The following CEP295 variants were observed in gnomAD, a reference collection of about 807,000 sequenced individuals.
CEP295 encodes centrosomal protein of 295 kDa.
In CEP295, 190 loss-of-function variants were observed where a neutral mutation model predicts 291.6. The ratio of observed to expected loss-of-function variants is 0.65; its 90% CI spans 0.58 to 0.73. The LOEUF (loss-of-function observed/expected upper bound fraction) is 0.73, where lower values mean the gene tolerates loss of function less well. Ranked by LOEUF, CEP295 falls within the 30% of genes least tolerant of loss-of-function variation. The probability of loss-of-function intolerance (pLI) is 0.00; values close to 1 mark genes in which losing one functional copy is unlikely to be tolerated. For synonymous variants in CEP295, 993 were observed against 1,038.8 expected, an observed-to-expected ratio of 0.96 and a Z score of 0.85; for missense variants, 2,863 against 2,949.4, an observed-to-expected ratio of 0.97 and a Z score of 0.68.
intron 12 of CEP295, among the ~76,000 whole-genome samples, chr11:93,694,690 A>G (rs1951762506): frequency 6.6e-6 from 1 of 152,218 alleles, no homozygotes; most frequent in African/African-American, 2.4e-5. Flanking sequence ...CTGGACAAAG[A>G]GATTATTGAT....
intron 22 of CEP295, among the ~76,000 whole-genome samples, chr11:93,725,327 T>C (rs975616212): frequency 8.5e-5 from 13 of 152,112 alleles, no homozygotes; most frequent in African/African-American, 3.1e-4. Flanking sequence ...TATGATGCCA[T>C]AAAAGGCTTA....
chr11:93,723,975 T>C, intron 21 of CEP295: 1 of 178,826 alleles, frequency 5.6e-6, no homozygotes, highest in Non-Finnish European at 1.2e-5. Context: ...AAAAATTTTT[T>C]AAATTTAAAA....
At chr11:93,720,093 C>T (rs1258021611) in intron 18 of CEP295, among the ~76,000 whole-genome samples, 1 of 149,292 alleles carries the variant, frequency 6.7e-6, no homozygotes, top group Non-Finnish European at 1.5e-5. Flanking sequence ...CGTAGTGGCT[C>T]ATGCCTATAA....
Position 93,698,915 on chromosome 11 carries a change from G to A in CEP295, c.4003G>A (p.Asp1335Asn). 5 of 1,551,572 alleles carry A rather than the reference G, an allele frequency of 3.2e-6. No individual in the cohort carries two copies. Among genetic ancestry groups the A allele is most frequent in the Non-Finnish European group, 4.4e-6 (5 of 1,146,978 alleles). The change falls in exon 15 of 30, where the codon GAT (aspartate) becomes AAT (asparagine). Residue 1335 changes from aspartate to asparagine, a missense_variant. Physicochemically the swap from Asp to Asn is conservative, Grantham distance 23 (BLOSUM62 1). Around this residue, in one of 3 missense-constraint regions of CEP295, gnomAD observed 2,295 missense variants for 2,335.7 expected, o/e 0.98. Coordinates refer to ENST00000325212, the MANE Select transcript of CEP295 (RefSeq NM_033395.2). ...CCACCTTCAGATCCCACAATTGCAG[G>A]ATAGGCTTTTGAGGATATCGCAACT... is the stretch of plus-strand genomic sequence containing the variant. ...SSHLQIPQLQ[D>N]RLLRISQLIQ...
intron 6 of CEP295, among the ~76,000 whole-genome samples, chr11:93,677,494 A>G (rs893406608): frequency 2.0e-5 from 3 of 152,188 alleles, no homozygotes; most frequent in African/African-American, 7.2e-5. Flanking sequence ...ACTTACAGCC[A>G]GTAATTCTCT....
chr11:93,726,878 G>A, intron 23 of CEP295, 98 bp from the exon 24 acceptor site: 1 of 908,618 alleles, frequency 1.1e-6, no homozygotes, highest in Non-Finnish European at 1.6e-6. Flanking sequence ...AAAATTGTAG[G>A]TTACTTGCAA....
In CEP295 at chr11:93,697,644, A is replaced by G; in HGVS notation, c.2732A>G (p.Gln911Arg). 8 of 1,551,908 alleles carry G rather than the reference A, an allele frequency of 5.2e-6. No individual in the cohort carries two copies. The highest frequency in any genetic ancestry group is 3.3e-4 in the Middle Eastern group (2 of 5,992). ...GCCAAAGCAGATTTGGGGAGAATCC[A>G]GGAATCTTCACCAACCAAGAATAAT... Reference protein sequence around the residue: ...PSAKADLGRIQESSPTKNNIA... With the variant: ...PSAKADLGRIRESSPTKNNIA... The change falls in exon 15 of 30, where the codon CAG becomes CGG. Residue 911 changes from glutamine to arginine, a missense_variant. Gln to Arg is a conservative substitution (Grantham distance 43). Around this residue, in one of 3 missense-constraint regions of CEP295, gnomAD observed 2,295 missense variants for 2,335.7 expected, o/e 0.98. Transcript: ENST00000325212.
Position 93,698,121 on chromosome 11 carries a change from C to T in CEP295, c.3209C>T (p.Thr1070Ile), listed in dbSNP as rs764864764. 55 of 1,551,954 alleles carry T rather than the reference C, an allele frequency of 3.5e-5. No homozygotes were observed. The highest frequency in any genetic ancestry group is 7.0e-6 in the Non-Finnish European group (8 of 1,147,088). ...LQEQLTKQRD[T>I]LQARHEAQVE... ...GAACAGTTGACTAAACAGAGGGATA[C>T]TCTTCAGGCTAGGCATGAAGCTCAG... The change falls in exon 15 of 30, where the codon ACT becomes ATT. Residue 1070 changes from threonine to isoleucine, a missense_variant. Physicochemically the swap from Thr to Ile is moderately conservative, Grantham distance 89. Around this residue, in one of 3 missense-constraint regions of CEP295, gnomAD observed 2,295 missense variants for 2,335.7 expected, o/e 0.98. Transcript: ENST00000325212.
chr11:93,706,895 C>T lies in CEP295; in HGVS notation c.5747C>T (p.Ala1916Val), dbSNP rs1284077775. Reference protein sequence around the residue: ...ENVCGDDYDEAVKLKESVVEN... With the variant: ...ENVCGDDYDEVVKLKESVVEN... ...GTCTGTGGTGATGACTATGATGAAG[C>T]AGGTGAGAAATAAATGGAAAGTGGA... The change falls in exon 18 of 30, where the codon GCA (alanine) becomes GTA (valine). Residue 1916 changes from alanine (A) to valine (V), a missense_variant and splice_region_variant. Physicochemically the swap from Ala to Val is moderately conservative, Grantham distance 64 (BLOSUM62 0). This residue lies in a region of CEP295 where 2,295 missense variants were observed against 2,335.7 expected (regional missense o/e 0.98). Transcript: ENST00000325212. 1.3e-6 allele frequency: 2 copies of T among 1,527,834 alleles called. No individual in the cohort carries two copies. The highest frequency in any genetic ancestry group is 1.8e-6 in the Non-Finnish European group (2 of 1,134,026). 94.6% of individuals were successfully genotyped at this position (1,527,834 alleles called of 1,614,324 possible).
intron 18 of CEP295, among the ~76,000 whole-genome samples, chr11:93,709,990 G>A (rs1375216847): frequency 1.3e-5 from 2 of 152,082 alleles, no homozygotes; most frequent in African/African-American, 4.8e-5. Context: ...TGTTGATTTT[G>A]TATCCTGCAA....
At chr11:93,662,505 C>G (rs571004852) in intron 1 of CEP295, among the ~76,000 whole-genome samples, 1 of 151,946 alleles carries the variant, frequency 6.6e-6, no homozygotes, top group Non-Finnish European at 1.5e-5. Context: ...ATCCTCAGGA[C>G]GAAATCTTGC....
intron 18 of CEP295, among the ~76,000 whole-genome samples, chr11:93,712,474 G>A (rs1318825549): frequency 4.0e-5 from 6 of 151,754 alleles, no homozygotes; most frequent in South Asian, 2.1e-4. Context: ...GGCTGGTCTC[G>A]AACTCCTGAC....
intron 7 of CEP295, among the ~76,000 whole-genome samples, chr11:93,681,403 ATTTTTTTTTT>A (rs71064773): frequency 1.2e-3 from 43 of 36,530 alleles, no homozygotes; most frequent in African/African-American, 3.2e-3. Flanking sequence ...CACCCAGCTA[ATTTTTTTTTT>A]TTTTTTTTTT....
intron 24 of CEP295, chr11:93,728,356 A>G (rs773055972): frequency 2.1e-5 from 4 of 193,644 alleles, no homozygotes; most frequent in African/African-American, 2.3e-5. Context: ...AAAGGATACA[A>G]TTCGGCACAG....
intron 15 of CEP295, 22 bp downstream of exon 15, chr11:93,700,208 TAATG>T: frequency 6.7e-7 from 1 of 1,502,550 alleles, no homozygotes; most frequent in Non-Finnish European, 8.9e-7. Flanking sequence ...ACCTGAATAA[TAATG>T]AAACACTAGA....
rs1477049853 is a variant in CEP295, at chr11:93,722,148, C to T, written c.5947+98C>T. On this transcript the variant is annotated intron_variant, in intron 20 of 29. Transcript: ENST00000325212. ...GAAGCATTGGGTTTTCATGATACAC[C>T]ATGGGGAACTATTTCTCTAAATCTC... The T allele has an allele frequency of 7.0e-6, 5 of 718,254 alleles. No individual in the cohort carries two copies. In the African/African-American group the frequency reaches 7.1e-5, roughly 10 times the overall value. 44.5% of individuals were successfully genotyped at this position (718,254 alleles called of 1,614,324 possible). A position where few individuals can be genotyped will look rare whatever the true frequency, so the allele number is the denominator to read the frequency against.
At chr11:93,701,962 T>A (rs1952194815) in intron 15 of CEP295, among the ~76,000 whole-genome samples, 1 of 151,836 alleles carries the variant, frequency 6.6e-6, no homozygotes. Flanking sequence ...TTGTTGTTGT[T>A]GTTGTTTGAG....
intron 5 of CEP295, among the ~76,000 whole-genome samples, chr11:93,674,390 C>T (rs1330691618): frequency 6.6e-6 from 1 of 152,130 alleles, no homozygotes; most frequent in Non-Finnish European, 1.5e-5. Flanking sequence ...CCCTCCCAAC[C>T]TGTGTTGCAT....
intron 5 of CEP295, among the ~76,000 whole-genome samples, chr11:93,675,318 T>A (rs965147166): frequency 5.3e-5 from 8 of 152,124 alleles, no homozygotes; most frequent in African/African-American, 1.9e-4. Flanking sequence ...ATAAATAACT[T>A]AAAAATTGAG....
Sources: allele counts gnomAD v4.1 joint callset (sites outside exome capture counted in the v4.1 genomes callset), GRCh38; gene constraint gnomAD v4.1.1; regional missense constraint gnomAD v4.1.1; transcripts MANE v1.5; gene names NCBI Gene and HGNC (gene_info 2026-07-23, HGNC 2026-07-21).